Variants in CCDC138 observed in about 807,000 individuals in gnomAD.
CCDC138 encodes the protein coiled-coil domain containing 138.
CCDC138 carries 66 observed loss-of-function variants against 82.3 expected under a neutral mutation model. The ratio of observed to expected loss-of-function variants is 0.80; its 90% confidence interval spans 0.66 to 0.98. The LOEUF (loss-of-function observed/expected upper bound fraction) is 0.98, where lower values mean the gene tolerates loss of function less well. CCDC138 is among the 50% of genes least tolerant of loss of function. CCDC138 has a pLI of 0.00. For missense variants in CCDC138, 816 were observed against 758.9 expected (o/e 1.08, Z -0.88); for synonymous variants, 297 against 265.4 (o/e 1.12, Z -1.16).
intron 4 of CCDC138, among the ~76,000 whole-genome samples, chr2:108,794,176 C>T (rs1364181506): frequency 6.6e-6 from 1 of 152,158 alleles, no homozygotes; most frequent in Non-Finnish European, 1.5e-5. Flanking sequence ...CAGCATGTAA[C>T]ACTTACTTGC....
In CCDC138 at chr2:108,787,000, C is replaced by T. The variant is rs62151257; in HGVS notation, c.93+85C>T. On this transcript the variant is annotated intron_variant, in intron 1 of 14. Transcript: ENST00000295124. ...GTGCCCCGCGCAGCCGGCCTGGGGG[C>T]GCGCAGCGGCTCTGGTCCCGGCCCC... 6.6e-3 allele frequency: 5,978 copies of T among 912,534 alleles called. 27 individuals are homozygous for T. The highest frequency in any genetic ancestry group is 7.9e-3 in the Middle Eastern group (20 of 2,538). The allele number at this position is 912,534 out of a possible 1,614,324, so 56.5% of individuals were successfully genotyped here. A position where few individuals can be genotyped will look rare whatever the true frequency, so the allele number is the denominator to read the frequency against.
At chr2:108,815,850 AT>A in intron 9 of CCDC138, 90 bp from the exon 10 acceptor site, 1 of 1,078,506 alleles carries the variant, frequency 9.3e-7, no homozygotes, top group Non-Finnish European at 1.3e-6. Flanking sequence ...CTTTAGTCAA[AT>A]TATTCTTATT....
At chr2:108,836,464 T>C (rs1198819244) in intron 10 of CCDC138, among the ~76,000 whole-genome samples, 2 of 152,232 alleles carry the variant, frequency 1.3e-5, no homozygotes, top group Admixed American at 1.3e-4. Context: ...GATATGAATA[T>C]GGACTTGCAA....
chr2:108,877,598 T>C (rs947288648), downstream of CCDC138, among the ~76,000 whole-genome samples: 1 of 65,214 alleles, frequency 1.5e-5, no homozygotes, highest in Non-Finnish European at 4.8e-5. Context: ...TCAGAGTATA[T>C]AGAGATAGTA....
chr2:108,794,497 T>C, intron 4 of CCDC138, 43 bp from the exon 5 acceptor site: 10 of 1,525,650 alleles, frequency 6.6e-6, no homozygotes, highest in Non-Finnish European at 6.2e-6. Flanking sequence ...TTTGAAACAA[T>C]AAGTTAATAA....
intron 3 of CCDC138, among the ~76,000 whole-genome samples, chr2:108,789,363 C>T (rs938478049): frequency 6.6e-6 from 1 of 152,076 alleles, no homozygotes; most frequent in Non-Finnish European, 1.5e-5. Flanking sequence ...GAGGCCGAGG[C>T]GGGTGGATCA....
Position 108,804,948 on chromosome 2 carries a change from C to G in CCDC138, c.795C>G (p.Thr265=), listed in dbSNP as rs767899381. 8 of 1,574,422 alleles carry G rather than the reference C, an allele frequency of 5.1e-6. No individual in the cohort carries two copies. The South Asian group carries it at 8.4e-5, about 17-fold the overall frequency. ...TTCTTAAGGAAAAGAATAAAGAAAC[C>G]AAGAGACTGAGGTCCTCTTTTGATG... is the stretch of plus-strand genomic sequence containing the variant. ...TEVLKEKNKE[T]KRLRSSFDAL... The change falls in exon 7 of 15, where the codon ACC becomes ACG. Residue 265 remains threonine (T), a synonymous_variant. Transcript: ENST00000295124.
chr2:108,878,957 AAAT>A (rs556948598), downstream of CCDC138, among the ~76,000 whole-genome samples: 15 of 152,368 alleles, frequency 9.8e-5, no homozygotes, highest in East Asian at 2.9e-3. Context: ...ATATAGCAAA[AAAT>A]AGAATGACAG....
At chr2:108,864,660 G>C (rs1007469879) in intron 13 of CCDC138, among the ~76,000 whole-genome samples, 15 of 152,130 alleles carry the variant, frequency 9.9e-5, no homozygotes, top group Admixed American at 6.5e-5. Context: ...CAGGCGTGGT[G>C]GCCCACGCCT....
At chr2:108,859,251 C>T (rs1333732541) in intron 13 of CCDC138, among the ~76,000 whole-genome samples, 3 of 151,880 alleles carry the variant, frequency 2.0e-5, no homozygotes, top group South Asian at 4.2e-4. Flanking sequence ...AACGGGGTTG[C>T]TTTTTCTCAT....
At chr2:108,863,228 A>G (rs1033960924) in intron 13 of CCDC138, among the ~76,000 whole-genome samples, 2 of 152,204 alleles carry the variant, frequency 1.3e-5, no homozygotes, top group Non-Finnish European at 2.9e-5. Context: ...TAAAGGAAGG[A>G]TAATTTCAAT....
chr2:108,881,347 G>C (rs78772844), downstream of CCDC138, among the ~76,000 whole-genome samples: 2,017 of 152,336 alleles, frequency 0.013, 64 homozygotes, highest in South Asian at 0.086. Context: ...GAATTGAAGA[G>C]AGTTAGGGCC....
chr2:108,849,501 T>A (rs1691067700), intron 12 of CCDC138, among the ~76,000 whole-genome samples: 1 of 152,094 alleles, frequency 6.6e-6, no homozygotes, highest in Admixed American at 6.6e-5. Flanking sequence ...ACCTTTTCAG[T>A]GGCTTCATCA....
chr2:108,878,672 A>G (rs1380459578), downstream of CCDC138, among the ~76,000 whole-genome samples: 1 of 152,206 alleles, frequency 6.6e-6, no homozygotes, highest in African/African-American at 2.4e-5. Flanking sequence ...ATTGTTTTTA[A>G]ATAATGGGAA....
rs368309167 is a variant in CCDC138 at position 108,786,941 on chromosome 2, G to C, written c.93+26G>C. ...GTGAAGCCGCCGCCTGAGGTCCGCGGGTGGGCTCCTGCTGCTGGGGGGCGG... is the reference window on the plus strand; with the variant it reads ...GTGAAGCCGCCGCCTGAGGTCCGCGCGTGGGCTCCTGCTGCTGGGGGGCGG... On this transcript the variant is annotated intron_variant, in intron 1 of 14. Transcript: ENST00000295124. 2.9e-4 allele frequency: 431 copies of C among 1,466,200 alleles called. 5 individuals are homozygous for C. In the African/African-American group the frequency reaches 5.4e-3, roughly 18 times the overall value. The allele number at this position is 1,466,200 out of a possible 1,614,324, so 90.8% of individuals were successfully genotyped here.
intron 7 of CCDC138, among the ~76,000 whole-genome samples, chr2:108,805,649 C>A (rs557246415): frequency 6.6e-6 from 1 of 152,024 alleles, no homozygotes; most frequent in Non-Finnish European, 1.5e-5. Context: ...ATGTCGTGAA[C>A]CCAGGAGGCG....
At chr2:108,837,849 A>G (rs1017222334) in intron 10 of CCDC138, among the ~76,000 whole-genome samples, 6 of 152,152 alleles carry the variant, frequency 3.9e-5, no homozygotes, top group African/African-American at 7.2e-5. Flanking sequence ...AAGAGAGTAT[A>G]TGGCTAGTAA....
At chr2:108,862,787 G>A (rs1693835445) in intron 13 of CCDC138, among the ~76,000 whole-genome samples, 1 of 151,750 alleles carries the variant, frequency 6.6e-6, no homozygotes, top group Non-Finnish European at 1.5e-5. Context: ...CTTGATGTTG[G>A]CCACCTTTTG....
chr2:108,803,269 G>A (rs1573974718), intron 6 of CCDC138, among the ~76,000 whole-genome samples: 3 of 152,266 alleles, frequency 2.0e-5, no homozygotes, highest in East Asian at 3.9e-4. Context: ...ATTTGTACAG[G>A]TTCGTAAACA....
Sources: allele counts gnomAD v4.1 joint callset (sites outside exome capture counted in the v4.1 genomes callset), GRCh38; gene constraint gnomAD v4.1.1; transcripts MANE v1.5; gene names NCBI Gene and HGNC (gene_info 2026-07-23, HGNC 2026-07-21).